Variants in DEFB131A observed in about 807,000 individuals in gnomAD.
DEFB131A encodes defensin beta 131A.
Under a neutral mutation model 2.4 loss-of-function variants are expected in DEFB131A, and 5 were observed. The observed-to-expected ratio is 2.12, with a 90% CI of 1.11 to 4.47. The LOEUF (loss-of-function observed/expected upper bound fraction) is 4.47, where lower values mean the gene tolerates loss of function less well. Among genes scored for constraint, DEFB131A ranks in the 30% most tolerant of loss-of-function variants. DEFB131A has a pLI of 0.00. For missense variants in DEFB131A, 120 were observed against 79.9 expected (o/e 1.50, Z -1.91); for synonymous variants, 34 against 25.7 (o/e 1.32, Z -0.97).
At chr4:9,450,237 C>T in intron 1 of DEFB131A, 123 bp from the exon 2 acceptor site, 1 of 1,132,878 alleles carries the variant, frequency 8.8e-7, no homozygotes, top group Non-Finnish European at 1.2e-6. Context: ...GCATTTTTTG[C>T]TGTTGATTTT....
In DEFB131A at chr4:9,450,462, G is replaced by A; in HGVS notation, c.161G>A (p.Ser54Asn). Residue 54 changes from serine (S) to asparagine (N), a missense_variant, in exon 2 of 2, where the codon AGC (serine) becomes AAC (asparagine). Ser to Asn is a conservative substitution (Grantham distance 46). Transcript: ENST00000334879. Reference sequence around the variant, plus strand: ...GCAATTAGATACTGTGCTGACTTCAGCATCTGCTGCAAACTGAAGATCATT... The same window carrying A: ...GCAATTAGATACTGTGCTGACTTCAACATCTGCTGCAAACTGAAGATCATT... ...EHAIRYCADF[S>N]ICCKLKIIEI... The A allele has an allele frequency of 6.2e-7, 1 of 1,610,910 alleles. No individual in the cohort carries two copies. The highest frequency in any genetic ancestry group is 8.5e-7 in the Non-Finnish European group (1 of 1,179,256).
intron 1 of DEFB131A, among the ~76,000 whole-genome samples, chr4:9,446,839 T>G (rs1018725473): frequency 6.6e-6 from 1 of 152,204 alleles, no homozygotes; most frequent in Non-Finnish European, 1.5e-5. Context: ...GTTTTTTCAT[T>G]GACTCAATGG....
chr4:9,445,418 T>C (rs1466483144), intron 1 of DEFB131A, among the ~76,000 whole-genome samples: 1 of 152,136 alleles, frequency 6.6e-6, no homozygotes, highest in Non-Finnish European at 1.5e-5. Flanking sequence ...TAGCCAATTA[T>C]ATATAAGCAT....
chr4:9,450,237 CT>C lies in DEFB131A; in HGVS notation c.59-122del, dbSNP rs1272684385. The C allele has an allele frequency of 3.8e-5, 43 of 1,132,758 alleles. 1 individual carries two copies. The South Asian group carries it at 7.8e-4, about 20-fold the overall frequency. The allele number at this position is 1,132,758 out of a possible 1,614,324, so 70.2% of individuals were successfully genotyped here. A position where few individuals can be genotyped will look rare whatever the true frequency, so the allele number is the denominator to read the frequency against. On this transcript the variant is annotated intron_variant, in intron 1 of 1. Transcript: ENST00000334879. ...TCCACGTTTTCTCTTGCATTTTTTG[CT>C]GTTGATTTTGTTTTTCTGGGAAAGT...
At chr4:9,444,807 G>A (rs1240722960) in intron 1 of DEFB131A, among the ~76,000 whole-genome samples, 1 of 151,886 alleles carries the variant, frequency 6.6e-6, no homozygotes. Flanking sequence ...CGGGCACAGT[G>A]GCTCATGTCT....
At chr4:9,446,728 T>TA (rs1270673196) in intron 1 of DEFB131A, among the ~76,000 whole-genome samples, 1 of 152,166 alleles carries the variant, frequency 6.6e-6, no homozygotes, top group East Asian at 1.9e-4. Context: ...TTTATTGCTA[T>TA]AAAATTCTCT....
At chr4:9,446,994 T>C (rs990869554) in intron 1 of DEFB131A, among the ~76,000 whole-genome samples, 1 of 152,162 alleles carries the variant, frequency 6.6e-6, no homozygotes, top group African/African-American at 2.4e-5. Context: ...GAAACTTGTT[T>C]TGTGTCTTAA....
chr4:9,444,660 G>T, intron 1 of DEFB131A, 69 bp downstream of exon 1: 6 of 1,525,494 alleles, frequency 3.9e-6, no homozygotes, highest in Non-Finnish European at 5.4e-6. Context: ...GGTCTTTCAA[G>T]AGTCTGAAAA....
chr4:9,448,370 A>T (rs75052517), intron 1 of DEFB131A, among the ~76,000 whole-genome samples: 40 of 151,864 alleles, frequency 2.6e-4, no homozygotes, highest in Middle Eastern at 6.8e-3. Flanking sequence ...TCTTTTTTTT[A>T]GACAGTCTCA....
At chr4:9,450,256 G>C in intron 1 of DEFB131A, 104 bp from the exon 2 acceptor site, 1 of 1,255,018 alleles carries the variant, frequency 8.0e-7, no homozygotes, top group Non-Finnish European at 1.0e-6. Context: ...TTGTTTTTCT[G>C]GGAAAGTTCT....
chr4:9,447,452 G>T (rs907891997), intron 1 of DEFB131A, among the ~76,000 whole-genome samples: 1 of 152,014 alleles, frequency 6.6e-6, no homozygotes, highest in Admixed American at 6.6e-5. Flanking sequence ...TTATAATAAA[G>T]TACCACAGAA....
intron 1 of DEFB131A, 25 bp downstream of exon 1, chr4:9,444,616 A>C: frequency 1.3e-6 from 2 of 1,597,916 alleles, no homozygotes; most frequent in Non-Finnish European, 8.5e-7. Context: ...TTTTTATTCC[A>C]AAGTTCTAAA....
intron 1 of DEFB131A, among the ~76,000 whole-genome samples, chr4:9,447,136 A>G (rs1239161843): frequency 3.9e-5 from 6 of 152,108 alleles, no homozygotes; most frequent in Admixed American, 2.0e-4. Flanking sequence ...TTCAATGATT[A>G]TTTGTTAGCT....
chr4:9,446,623 TCTC>T (rs551638194), intron 1 of DEFB131A, among the ~76,000 whole-genome samples: 500 of 152,134 alleles, frequency 3.3e-3, no homozygotes, highest in African/African-American at 0.012. Context: ...TTTCTTTCCT[TCTC>T]CTAAGTTTGG....
chr4:9,446,032 C>T (rs1385544863), intron 1 of DEFB131A, among the ~76,000 whole-genome samples: 1 of 151,956 alleles, frequency 6.6e-6, no homozygotes, highest in Non-Finnish European at 1.5e-5. Context: ...CAGTATATCC[C>T]ACTCTAAGAA....
chr4:9,450,644 T>G lies in DEFB131A; in HGVS notation c.*130T>G. 1.6e-6 allele frequency: 2 copies of G among 1,272,238 alleles called. No homozygotes were observed. Among genetic ancestry groups the G allele is most frequent in the Non-Finnish European group, 2.2e-6 (2 of 925,360 alleles). The allele number at this position is 1,272,238 out of a possible 1,614,324, so 78.8% of individuals were successfully genotyped here. On this transcript the variant is annotated 3_prime_UTR_variant, in exon 2 of 2. Coordinates refer to ENST00000334879, the MANE Select transcript of DEFB131A (RefSeq NM_001040448.3). ...GTTTAGATGGTCAGGTGAAAATGAA[T>G]ATAAATTTTATAAATGCTTCCACTC...
chr4:9,448,327 C>T (rs1393063002), intron 1 of DEFB131A, among the ~76,000 whole-genome samples: 4 of 151,990 alleles, frequency 2.6e-5, no homozygotes, highest in African/African-American at 9.7e-5. Flanking sequence ...AAAAAGAACA[C>T]TATCTTAAAA....
chr4:9,445,281 G>T (rs1480132620), intron 1 of DEFB131A, among the ~76,000 whole-genome samples: 1 of 151,966 alleles, frequency 6.6e-6, no homozygotes, highest in Non-Finnish European at 1.5e-5. Flanking sequence ...CACTGATCCA[G>T]GCAAGGACCT....
At chr4:9,445,459 C>T (rs1448334681) in intron 1 of DEFB131A, among the ~76,000 whole-genome samples, 2 of 152,208 alleles carry the variant, frequency 1.3e-5, no homozygotes, top group Admixed American at 6.5e-5. Context: ...GACTTTCCCA[C>T]ATTAATTTTA....
Sources: allele counts gnomAD v4.1 joint callset (sites outside exome capture counted in the v4.1 genomes callset), GRCh38; gene constraint gnomAD v4.1.1; transcripts MANE v1.5; gene names NCBI Gene and HGNC (gene_info 2026-07-23, HGNC 2026-07-21).